The following CATSPERE variants were observed in gnomAD, a reference collection of about 807,000 sequenced individuals.
The protein encoded by CATSPERE is catsper channel auxiliary subunit epsilon.
A neutral mutation model predicts 114.1 loss-of-function variants in CATSPERE; 93 were observed. That is an observed-to-expected ratio of 0.81 (90% CI 0.69 to 0.97). CATSPERE has a LOEUF of 0.97. CATSPERE is among the 50% of genes least tolerant of loss of function. The pLI, the probability that CATSPERE is intolerant of heterozygous loss-of-function variation, is 0.00. For synonymous variants in CATSPERE, 341 were observed against 384.1 expected, an observed-to-expected ratio of 0.89 and a Z score of 1.31; for missense variants, 1,058 against 1,131.6, an observed-to-expected ratio of 0.93 and a Z score of 0.93.
chr1:244,535,219 T>G (rs3123463), intron 8 of CATSPERE, among the ~76,000 whole-genome samples: 1 of 151,932 alleles, frequency 6.6e-6, no homozygotes, highest in Admixed American at 6.5e-5. Flanking sequence ...ACCTGAATCT[T>G]GCATAGCACT....
intron 7 of CATSPERE, among the ~76,000 whole-genome samples, chr1:244,507,115 A>G (rs768900066): frequency 2.0e-5 from 3 of 152,146 alleles, no homozygotes; most frequent in Non-Finnish European, 2.9e-5. Context: ...GAATAGTATT[A>G]CATCATATAT....
At chr1:244,581,141 T>C (rs943804878) in intron 11 of CATSPERE, among the ~76,000 whole-genome samples, 3 of 152,214 alleles carry the variant, frequency 2.0e-5, no homozygotes, top group African/African-American at 7.2e-5. Context: ...ATGTATATTA[T>C]ATACACACAT....
In CATSPERE at chr1:244,484,614, C is replaced by T. The variant is rs376012135; in HGVS notation, c.326+4830C>T. ...ATTTTACCTCCAAATATTCCCTTCCCGGTTTATGGCTTACTCCTTACCATC... is the reference window on the plus strand; with the variant it reads ...ATTTTACCTCCAAATATTCCCTTCCTGGTTTATGGCTTACTCCTTACCATC... On this transcript the variant is annotated intron_variant, in intron 5 of 21. Coordinates refer to ENST00000366534, the MANE Select transcript of CATSPERE (RefSeq NM_001130957.2). 2.6e-5 allele frequency among the ~76,000 whole-genome samples: 4 copies of T among 152,184 alleles called. No homozygotes were observed. The South Asian group carries it at 6.2e-4, about 24-fold the overall frequency.
At chr1:244,616,959 C>T (rs1474141867) in intron 19 of CATSPERE, among the ~76,000 whole-genome samples, 1 of 152,176 alleles carries the variant, frequency 6.6e-6, no homozygotes, top group Non-Finnish European at 1.5e-5. Context: ...AGAACCAGTG[C>T]CATGTAATAG....
intron 8 of CATSPERE, among the ~76,000 whole-genome samples, chr1:244,522,779 A>T (rs1677813443): frequency 1.3e-5 from 2 of 152,160 alleles, no homozygotes; most frequent in African/African-American, 2.4e-5. Context: ...CCCAAGACTA[A>T]ACCAGGAAGA....
chr1:244,540,995 A>G, intron 8 of CATSPERE, among the ~76,000 whole-genome samples: 3 of 45,622 alleles, frequency 6.6e-5, no homozygotes, highest in Admixed American at 3.0e-4. Flanking sequence ...CACCTTATAC[A>G]AAAATCAATT....
intron 20 of CATSPERE, among the ~76,000 whole-genome samples, chr1:244,628,552 C>T (rs564289668): frequency 3.2e-4 from 48 of 152,308 alleles, no homozygotes; most frequent in African/African-American, 1.2e-3. Context: ...CTAAGAATTT[C>T]ATCTCCATGC....
rs3003300 is a variant in CATSPERE at position 244,510,968 on chromosome 1, C to T, written c.430-7624C>T. On this transcript the variant is annotated intron_variant, in intron 7 of 21. Transcript: ENST00000366534. Reference sequence around the variant, plus strand: ...AAGCAATTCTCCTGCTTCAGCCTCCCGAGTAGCTGGGATTATAGGCGCCCA... The same window carrying T: ...AAGCAATTCTCCTGCTTCAGCCTCCTGAGTAGCTGGGATTATAGGCGCCCA... Among the ~76,000 whole-genome samples the T allele has an allele frequency of 7.1e-3, 1,075 of 150,816 alleles. 13 individuals are homozygous for T. The highest frequency in any genetic ancestry group is 0.024 in the African/African-American group (1,000 of 41,082).
At chr1:244,581,690 T>A in intron 11 of CATSPERE, 106 bp from the exon 12 acceptor site, 1 of 578,622 alleles carries the variant, frequency 1.7e-6, no homozygotes, top group South Asian at 1.8e-5. Flanking sequence ...CATACCCTAA[T>A]GAAGGCATTT....
intron 7 of CATSPERE, among the ~76,000 whole-genome samples, chr1:244,510,247 C>T (rs959885975): frequency 1.3e-5 from 2 of 152,072 alleles, no homozygotes; most frequent in Admixed American, 1.3e-4. Context: ...TACAGCATCC[C>T]ATAGATTTTG....
chr1:244,535,084 C>G (rs185149317), intron 8 of CATSPERE, among the ~76,000 whole-genome samples: 363 of 152,324 alleles, frequency 2.4e-3, no homozygotes, highest in Admixed American at 4.3e-3. Context: ...CTCTTGTTCT[C>G]TTCTCTTACT....
intron 1 of CATSPERE, among the ~76,000 whole-genome samples, chr1:244,463,318 A>T (rs927339547): frequency 3.3e-5 from 5 of 152,122 alleles, no homozygotes; most frequent in Non-Finnish European, 5.9e-5. Context: ...TAGATGAATC[A>T]GATAGACGGG....
chr1:244,489,428 G>A (rs1207227991), intron 5 of CATSPERE, among the ~76,000 whole-genome samples: 1 of 139,244 alleles, frequency 7.2e-6, no homozygotes, highest in Non-Finnish European at 1.5e-5. Flanking sequence ...CTGTGAACTT[G>A]CAGTATTAAG....
At chr1:244,454,548 G>A (rs536736292) in exon 1 of CATSPERE, 1 of 151,556 alleles carries the variant, frequency 6.6e-6, no homozygotes, top group African/African-American at 2.4e-5. Context: ...GTCATCAAAA[G>A]CCACTCCATT....
At chr1:244,581,971 A>T (rs1257057686) in intron 12 of CATSPERE, 117 bp downstream of exon 12, 9 of 479,088 alleles carry the variant, frequency 1.9e-5, no homozygotes, top group Non-Finnish European at 3.0e-5. Context: ...CAAATTTCAG[A>T]TTCCTTTCAA....
At chr1:244,550,248 T>A (rs1431626850) in intron 8 of CATSPERE, among the ~76,000 whole-genome samples, 1 of 152,166 alleles carries the variant, frequency 6.6e-6, no homozygotes, top group Non-Finnish European at 1.5e-5. Flanking sequence ...AGGCAACCAC[T>A]CATAATAAAT....
chr1:244,513,034 G>A (rs1452345047), intron 7 of CATSPERE, among the ~76,000 whole-genome samples: 1 of 152,204 alleles, frequency 6.6e-6, no homozygotes, highest in Non-Finnish European at 1.5e-5. Flanking sequence ...AGTAGTAGCA[G>A]GTCTGGGTAG....
Position 244,522,729 on chromosome 1 carries a change from A to G in CATSPERE, c.536+4031A>G, listed in dbSNP as rs191332024. 2.0e-3 allele frequency among the ~76,000 whole-genome samples: 302 copies of G among 152,338 alleles called. 1 individual carries two copies. The highest frequency in any genetic ancestry group is 3.2e-3 in the Non-Finnish European group (221 of 68,042). On this transcript the variant is annotated intron_variant, in intron 8 of 21. Coordinates refer to ENST00000366534, the MANE Select transcript of CATSPERE (RefSeq NM_001130957.2). Reference sequence around the variant, plus strand: ...CAACTCTACGCAAATGAACTAGAAAATCTAGAAGAAATGGATAAATTCCTC... The same window carrying G: ...CAACTCTACGCAAATGAACTAGAAAGTCTAGAAGAAATGGATAAATTCCTC...
chr1:244,545,923 C>T (rs908404267), intron 8 of CATSPERE, among the ~76,000 whole-genome samples: 2 of 152,204 alleles, frequency 1.3e-5, no homozygotes, highest in African/African-American at 4.8e-5. Flanking sequence ...GGGGCATTCC[C>T]TACAATGAGT....
Sources: gnomAD v4.1 joint callset for allele counts (sites outside exome capture counted in the v4.1 genomes callset) on GRCh38, gnomAD v4.1.1 for gene constraint, MANE v1.5 for transcripts, NCBI Gene and HGNC (gene_info 2026-07-23, HGNC 2026-07-21) for gene names.